FRMPD3: variants seen among roughly 807,000 people sequenced by gnomAD.
FRMPD3 encodes FERM and PDZ domain containing 3, also known as FERM and PDZ domain-containing protein 3.
FRMPD3 carries 42 observed loss-of-function variants against 97.9 expected under a neutral mutation model. The observed-to-expected ratio is 0.43, with a 90% CI of 0.34 to 0.55. The LOEUF (loss-of-function observed/expected upper bound fraction) is 0.55, where lower values mean the gene tolerates loss of function less well. FRMPD3 is among the 20% of genes least tolerant of loss of function. The pLI is 0.03. For synonymous variants in FRMPD3, 577 were observed against 581.1 expected (o/e 0.99, Z 0.10); for missense variants, 1,303 against 1,457.7 (o/e 0.89, Z 1.73).
intron 1 of FRMPD3, among the ~76,000 whole-genome samples, chrX:107,519,401 G>A (rs776029083): frequency 1.4e-4 from 16 of 111,604 alleles, no homozygotes; most frequent in South Asian, 3.8e-4. Flanking sequence ...GGTGTCTGAG[G>A]TGGGATTGCT....
At chrX:107,507,493 G>C (rs1922064122) in intron 1 of FRMPD3, among the ~76,000 whole-genome samples, 1 of 111,164 alleles carries the variant, frequency 9.0e-6, no homozygotes, top group African/African-American at 3.3e-5. Context: ...CCGCCGTTAC[G>C]CTTCGGAAGT....
chrX:107,548,355 A>G (rs1921709620), intron 5 of FRMPD3, among the ~76,000 whole-genome samples: 1 of 112,437 alleles, frequency 8.9e-6, no homozygotes, highest in African/African-American at 3.2e-5. Context: ...GTAGAGGTTC[A>G]ATGAATGCCC....
At chrX:107,472,224 T>C (rs1377577261) in intron 1 of FRMPD3, among the ~76,000 whole-genome samples, 1 of 112,142 alleles carries the variant, frequency 8.9e-6, no homozygotes, top group African/African-American at 3.2e-5. Flanking sequence ...ATTCCAAAAA[T>C]TTTTTCCCAT....
intron 7 of FRMPD3, among the ~76,000 whole-genome samples, chrX:107,553,790 G>A (rs1364282098): frequency 9.0e-6 from 1 of 111,573 alleles, no homozygotes; most frequent in Non-Finnish European, 1.9e-5. Flanking sequence ...TCACCCCCAA[G>A]CAACCCTTTG....
At chrX:107,503,994 C>T (rs1033589211) in intron 1 of FRMPD3, among the ~76,000 whole-genome samples, 1 of 112,800 alleles carries the variant, frequency 8.9e-6, no homozygotes, top group South Asian at 3.7e-4. Flanking sequence ...CTGTGTGGCC[C>T]ATGCTGGGAA....
At chrX:107,534,358 A>G (rs1923122954) in intron 4 of FRMPD3, among the ~76,000 whole-genome samples, 2 of 110,927 alleles carry the variant, frequency 1.8e-5, no homozygotes, top group African/African-American at 3.3e-5. Flanking sequence ...AATGTCCCCA[A>G]CAACAGTCCT....
Position 107,603,520 on chromosome X carries a change from T to G in FRMPD3, c.*147T>G. On this transcript the variant is annotated 3_prime_UTR_variant, in exon 15 of 15. Coordinates refer to ENST00000683843, the MANE Select transcript of FRMPD3 (RefSeq NM_001388459.1). ...CAGTCTCCGGGGAGTGGAAACTCTC[T>G]TGATTGAGGCTCTCTCTTAAGGGCT... The G allele has an allele frequency of 9.5e-7, 1 of 1,055,272 alleles. No individual in the cohort carries two copies. Among genetic ancestry groups the G allele is most frequent in the Non-Finnish European group, 1.2e-6 (1 of 809,859 alleles). 87.0% of individuals were successfully genotyped at this position (1,055,272 alleles called of 1,213,427 possible).
intron 13 of FRMPD3, among the ~76,000 whole-genome samples, chrX:107,583,945 T>G (rs777284820): frequency 4.1e-4 from 44 of 106,314 alleles, no homozygotes; most frequent in Non-Finnish European, 6.6e-4. Flanking sequence ...CTCGGCTTAC[T>G]GCAACCTCCG....
chrX:107,571,794 G>T (rs1326059299), intron 12 of FRMPD3, among the ~76,000 whole-genome samples: 1 of 112,239 alleles, frequency 8.9e-6, no homozygotes, highest in African/African-American at 3.2e-5. Flanking sequence ...AGACTGCCCT[G>T]CAGCCGGCCA....
At chrX:107,583,827 C>T (rs1262049704) in intron 13 of FRMPD3, among the ~76,000 whole-genome samples, 1 of 108,779 alleles carries the variant, frequency 9.2e-6, no homozygotes, top group Admixed American at 9.9e-5. Context: ...ATTTGCATTT[C>T]TCTAATGATC....
intron 13 of FRMPD3, among the ~76,000 whole-genome samples, chrX:107,590,972 G>A (rs1269843484): frequency 9.0e-6 from 1 of 111,402 alleles, no homozygotes; most frequent in Non-Finnish European, 1.9e-5. Context: ...GCTGGTATAA[G>A]TGCTTCTTTC....
At chrX:107,573,037 G>T (rs925336076) in intron 12 of FRMPD3, among the ~76,000 whole-genome samples, 3 of 111,375 alleles carry the variant, frequency 2.7e-5, no homozygotes. Flanking sequence ...TCTTGGGTTA[G>T]TGTATCCCAA....
rs554394492 is a variant in FRMPD3, at chrX:107,600,484, C to G, written c.2445C>G (p.Pro815=). The change falls in exon 15 of 15, where the codon CCC becomes CCG. Residue 815 remains proline, a synonymous_variant. Coordinates refer to ENST00000683843, the MANE Select transcript of FRMPD3 (RefSeq NM_001388459.1). ...GCCTCCTTGCCCGCAAGGACCTGCC[C>G]TTCCGGATCCAGAGCTGTGCAGCCC... ...KDSLLARKDL[P]FRIQSCAAQA... The G allele has an allele frequency of 2.5e-6, 3 of 1,210,897 alleles. No individual in the cohort carries two copies. The South Asian group carries it at 5.3e-5, about 21-fold the overall frequency.
intron 1 of FRMPD3, among the ~76,000 whole-genome samples, chrX:107,506,717 G>T (rs753240082): frequency 8.9e-6 from 1 of 112,324 alleles, no homozygotes; most frequent in Non-Finnish European, 1.9e-5. Flanking sequence ...CCGGGCGGCG[G>T]CCGGATTGCG....
intron 1 of FRMPD3, among the ~76,000 whole-genome samples, chrX:107,473,728 T>C (rs766414588): frequency 4.1e-4 from 46 of 112,441 alleles, no homozygotes; most frequent in Non-Finnish European, 5.3e-4. Context: ...TTTGAACACA[T>C]TTCTGAGTCC....
At chrX:107,548,748 G>A (rs776690087) in intron 5 of FRMPD3, among the ~76,000 whole-genome samples, 3 of 112,424 alleles carry the variant, frequency 2.7e-5, no homozygotes, top group Non-Finnish European at 5.6e-5. Context: ...GGAGGCTGAG[G>A]TAGAAGGATC....
intron 8 of FRMPD3, among the ~76,000 whole-genome samples, chrX:107,558,364 C>T (rs914396193): frequency 6.3e-5 from 7 of 111,162 alleles, no homozygotes; most frequent in Admixed American, 3.8e-4. Flanking sequence ...TGTTGGCTCA[C>T]GTCTGTAATT....
At chrX:107,509,614 T>C (rs1478871064) in intron 1 of FRMPD3, among the ~76,000 whole-genome samples, 1 of 111,724 alleles carries the variant, frequency 9.0e-6, no homozygotes, top group Non-Finnish European at 1.9e-5. Flanking sequence ...TTACTGAATC[T>C]TCTTAACTTT....
chrX:107,558,126 T>C (rs1029137147), intron 8 of FRMPD3, among the ~76,000 whole-genome samples: 1 of 109,329 alleles, frequency 9.1e-6, no homozygotes, highest in African/African-American at 3.3e-5. Flanking sequence ...ATCCTAACAA[T>C]ATTGAGCCTT....
Sources: allele counts gnomAD v4.1 joint callset (sites outside exome capture counted in the v4.1 genomes callset), GRCh38; gene constraint gnomAD v4.1.1; transcripts MANE v1.5; gene names NCBI Gene and HGNC (gene_info 2026-07-23, HGNC 2026-07-21).